Variants in SCN8A observed in about 807,000 individuals in gnomAD.
SCN8A encodes the protein sodium channel protein type 8 subunit alpha.
In SCN8A, 30 loss-of-function variants were observed where a neutral mutation model predicts 184.1. That is an observed-to-expected ratio of 0.16 (90% CI 0.12 to 0.22). The LOEUF is 0.22. Among genes scored for constraint, SCN8A ranks in the 10% least tolerant of loss-of-function variants. The pLI is 1.00. For synonymous variants in SCN8A, 852 were observed against 907.0 expected (o/e 0.94, Z 1.09); for missense variants, 1,057 against 2,498.9 (o/e 0.42, Z 12.30).
At chr12:51,675,859 T>G (rs1396061594) in intron 2 of SCN8A, among the ~76,000 whole-genome samples, 2 of 152,184 alleles carry the variant, frequency 1.3e-5, no homozygotes, top group Non-Finnish European at 2.9e-5. Context: ...TTATCATCTG[T>G]AAAATAGTAC....
chr12:51,738,756 T>G (rs1367922588), intron 12 of SCN8A, among the ~76,000 whole-genome samples: 1 of 152,248 alleles, frequency 6.6e-6, no homozygotes, highest in Non-Finnish European at 1.5e-5. Context: ...GTACGCCTTT[T>G]AAACTTAAAC....
rs562769583 is a variant in SCN8A at position 51,698,830 on chromosome 12, G to A, written c.707-740G>A. Among the ~76,000 whole-genome samples, 4 of 152,238 alleles carry A rather than the reference G, an allele frequency of 2.6e-5. No individual in the cohort carries two copies. In the East Asian group the frequency reaches 7.7e-4, roughly 29 times the overall value. ...TTAATAATAACCTTTTCAATACCTT[G>A]GCATTTCCAGAATCCTTGGGAAAAT... On this transcript the variant is annotated intron_variant, in intron 6 of 26. Transcript: ENST00000627620.
At chr12:51,794,026 A>G (rs534930644) in intron 25 of SCN8A, among the ~76,000 whole-genome samples, 1 of 152,088 alleles carries the variant, frequency 6.6e-6, no homozygotes, top group African/African-American at 2.4e-5. Flanking sequence ...TGTGCCTGTA[A>G]TCCCAGCTAC....
At chr12:51,782,476 C>T (rs1194669323) in intron 21 of SCN8A, among the ~76,000 whole-genome samples, 11 of 152,228 alleles carry the variant, frequency 7.2e-5, no homozygotes, top group Non-Finnish European at 1.6e-4. Context: ...GACTGAAAAA[C>T]TGAGGACAAG....
intron 19 of SCN8A, among the ~76,000 whole-genome samples, chr12:51,770,892 T>C (rs1437631655): frequency 6.6e-6 from 1 of 152,010 alleles, no homozygotes; most frequent in Non-Finnish European, 1.5e-5. Context: ...CTCTTAGCAC[T>C]GTCCCTCTCA....
At chr12:51,644,354 GT>G (rs1408463698) in intron 1 of SCN8A, among the ~76,000 whole-genome samples, 6 of 152,170 alleles carry the variant, frequency 3.9e-5, no homozygotes, top group Non-Finnish European at 8.8e-5. Flanking sequence ...TTATGCCTCA[GT>G]TTTCTCATCA....
chr12:51,758,026 T>C (rs1424988223), intron 14 of SCN8A, among the ~76,000 whole-genome samples: 1 of 152,172 alleles, frequency 6.6e-6, no homozygotes, highest in Non-Finnish European at 1.5e-5. Flanking sequence ...GCTAGGTGAG[T>C]CCCAGCTACT....
chr12:51,759,220 AAT>A (rs899645520), intron 14 of SCN8A, among the ~76,000 whole-genome samples: 2 of 150,978 alleles, frequency 1.3e-5, no homozygotes, highest in Non-Finnish European at 2.9e-5. Context: ...CATATTAAAA[AAT>A]ATATATATAT....
intron 1 of SCN8A, among the ~76,000 whole-genome samples, chr12:51,625,597 G>A (rs954895719): frequency 1.3e-5 from 2 of 152,118 alleles, no homozygotes; most frequent in South Asian, 2.1e-4. Flanking sequence ...CAAACTGTGC[G>A]GTATTAGAGT....
In SCN8A at chr12:51,656,664, G is replaced by C. The variant is rs374920529; in HGVS notation, c.-54-6100G>C. On this transcript the variant is annotated intron_variant, in intron 1 of 26. Coordinates refer to ENST00000627620, the MANE Select transcript of SCN8A (RefSeq NM_001330260.2). ...CTTCACAAAGGAGGATGTCTAAATG[G>C]CCAATCAACCTTTGAGAAAGTGCTC... 1.3e-4 allele frequency among the ~76,000 whole-genome samples: 20 copies of C among 152,194 alleles called. No homozygotes were observed. In the South Asian group the frequency reaches 4.1e-3, roughly 32 times the overall value.
At chr12:51,764,965 G>A (rs960853970) in intron 15 of SCN8A, among the ~76,000 whole-genome samples, 1 of 151,490 alleles carries the variant, frequency 6.6e-6, no homozygotes, top group African/African-American at 2.4e-5. Context: ...TATTAGAGAC[G>A]GCATTTCACC....
intron 1 of SCN8A, among the ~76,000 whole-genome samples, chr12:51,621,278 A>G (rs1216930227): frequency 6.6e-6 from 1 of 152,214 alleles, no homozygotes; most frequent in African/African-American, 2.4e-5. Flanking sequence ...CTTGCCAACT[A>G]TAAACTTAGG....
chr12:51,803,104 AG>A (rs1938601810), intron 26 of SCN8A, among the ~76,000 whole-genome samples: 1 of 152,216 alleles, frequency 6.6e-6, no homozygotes, highest in African/African-American at 2.4e-5. Context: ...CAAGGAAGCC[AG>A]TAGTGGCTCA....
chr12:51,645,483 T>G (rs1463063586), intron 1 of SCN8A, among the ~76,000 whole-genome samples: 9 of 151,206 alleles, frequency 6.0e-5, no homozygotes, highest in South Asian at 2.1e-4. Context: ...GAACGGGCCA[T>G]GATGACAATG....
intron 26 of SCN8A, among the ~76,000 whole-genome samples, chr12:51,795,748 A>G (rs915382872): frequency 6.6e-6 from 1 of 152,144 alleles, no homozygotes; most frequent in African/African-American, 2.4e-5. Flanking sequence ...TGGAAATCCT[A>G]CGGTAAAGAA....
In SCN8A at chr12:51,606,140, G is replaced by T. The variant is rs1939587027; in HGVS notation, c.-55+14781G>T. Among the ~76,000 whole-genome samples the T allele has an allele frequency of 5.3e-5, 8 of 152,096 alleles. No homozygotes were observed. In the South Asian group the frequency reaches 1.7e-3, roughly 32 times the overall value. On this transcript the variant is annotated intron_variant, in intron 1 of 26. Coordinates refer to ENST00000627620, the MANE Select transcript of SCN8A (RefSeq NM_001330260.2). ...TTGTTTTTATTGCATTTGCTTTTGG[G>T]TTCTTGGCCATGAAATCCTTGCCTA...
At chr12:51,719,501 A>G (rs1942014139) in intron 11 of SCN8A, among the ~76,000 whole-genome samples, 1 of 54,298 alleles carries the variant, frequency 1.8e-5, no homozygotes, top group African/African-American at 7.5e-5. Flanking sequence ...CAGAAATGTT[A>G]AAGAGGAGCC....
chr12:51,741,622 G>A lies in SCN8A; in HGVS notation c.1999-4281G>A, dbSNP rs536546776. Reference sequence around the variant, plus strand: ...CTTAATTTCTTGCTTTTTATTTTTTGTGTATCCGTTGTGTGTTTTTCAATT... The same window carrying A: ...CTTAATTTCTTGCTTTTTATTTTTTATGTATCCGTTGTGTGTTTTTCAATT... On this transcript the variant is annotated intron_variant, in intron 12 of 26. Transcript: ENST00000627620. Among the ~76,000 whole-genome samples the A allele has an allele frequency of 2.6e-5, 4 of 151,998 alleles. No homozygotes were observed. In the East Asian group the frequency reaches 5.8e-4, roughly 22 times the overall value.
chr12:51,802,746 G>GT (rs565283236), intron 26 of SCN8A, among the ~76,000 whole-genome samples: 1 of 152,102 alleles, frequency 6.6e-6, no homozygotes, highest in South Asian at 2.1e-4. Flanking sequence ...AATGTATTAC[G>GT]TACAGAGTCA....
Sources: allele counts gnomAD v4.1 joint callset (sites outside exome capture counted in the v4.1 genomes callset), GRCh38; gene constraint gnomAD v4.1.1; transcripts MANE v1.5; gene names NCBI Gene and HGNC (gene_info 2026-07-23, HGNC 2026-07-21).